AGAP9: variants seen among roughly 807,000 people sequenced by gnomAD.
AGAP9 encodes ArfGAP with GTPase domain, ankyrin repeat and PH domain 9.
In AGAP9, 23 loss-of-function variants were observed where a neutral mutation model predicts 55.6. The ratio of observed to expected loss-of-function variants is 0.41; its 90% confidence interval spans 0.30 to 0.59. The LOEUF (loss-of-function observed/expected upper bound fraction) is 0.59, where lower values mean the gene tolerates loss of function less well. Ranked by LOEUF, AGAP9 falls within the 20% of genes least tolerant of loss-of-function variation. AGAP9 has a pLI of 0.25. For synonymous variants in AGAP9, 120 were observed against 305.0 expected (o/e 0.39, Z 6.32); for missense variants, 309 against 808.1 (o/e 0.38, Z 7.49).
chr10:47,506,349 G>T (rs1840476442), intron 6 of AGAP9, among the ~76,000 whole-genome samples: 1 of 137,222 alleles, frequency 7.3e-6, no homozygotes, highest in Non-Finnish European at 1.6e-5. Context: ...CTCTTTTTTT[G>T]AGACAGAGTC....
At chr10:47,519,467 CAAAAAAA>C (rs1190844472) in intron 3 of AGAP9, among the ~76,000 whole-genome samples, 1 of 84,752 alleles carries the variant, frequency 1.2e-5, no homozygotes, top group Non-Finnish European at 2.3e-5. Flanking sequence ...GACTCCATTT[CAAAAAAA>C]AAAAAAAAAA....
chr10:47,511,294 T>C lies in AGAP9; in HGVS notation c.397-1023A>G, dbSNP rs1261064174. 2.1e-5 allele frequency among the ~76,000 whole-genome samples: 3 copies of C among 142,700 alleles called. 1 individual carries two copies. The highest frequency in any genetic ancestry group is 7.7e-5 in the African/African-American group (3 of 38,958). 93.6% of individuals were successfully genotyped at this position (142,700 alleles called of 152,430 possible). A position where few individuals can be genotyped will look rare whatever the true frequency, so the allele number is the denominator to read the frequency against. On this transcript the variant is annotated intron_variant, in intron 4 of 7. Transcript: ENST00000452145. ...AATGTAGTGTATTAAATAATCCTGC[T>C]ACAAGAGCACTTTATTGCAGTGAAT...
chr10:47,516,803 C>T lies in AGAP9; in HGVS notation c.396+1020G>A, dbSNP rs1432529246. ...GCTACAATACTTGGGGGAAAAACAG[C>T]TATTAGAAAATAGGCAAATGAATAT... is the stretch of plus-strand genomic sequence containing the variant. On this transcript the variant is annotated intron_variant, in intron 4 of 7. Coordinates refer to ENST00000452145, the MANE Select transcript of AGAP9 (RefSeq NM_001190810.1). Among the ~76,000 whole-genome samples the T allele has an allele frequency of 1.5e-5, 2 of 130,314 alleles. 1 individual carries two copies. The highest frequency in any genetic ancestry group is 5.8e-4 in the East Asian group (2 of 3,420). 85.5% of individuals were successfully genotyped at this position (130,314 alleles called of 152,430 possible).
chr10:47,502,043 A>C lies in AGAP9; in HGVS notation c.*109T>G. The C allele has an allele frequency of 2.0e-6, 3 of 1,518,792 alleles. No individual in the cohort carries two copies. The highest frequency in any genetic ancestry group is 2.7e-6 in the Non-Finnish European group (3 of 1,113,628). The allele number at this position is 1,518,792 out of a possible 1,614,324, so 94.1% of individuals were successfully genotyped here. A position where few individuals can be genotyped will look rare whatever the true frequency, so the allele number is the denominator to read the frequency against. On this transcript the variant is annotated 3_prime_UTR_variant, in exon 8 of 8. Coordinates refer to ENST00000452145, the MANE Select transcript of AGAP9 (RefSeq NM_001190810.1). ...CTTATTTTTCCCATTTTGTTTTTGC[A>C]CCAAGGAGACTGCAGTCAAATAAAA...
intron 5 of AGAP9, 107 bp downstream of exon 5, chr10:47,510,064 T>C (rs1474001468): frequency 1.3e-6 from 2 of 1,491,874 alleles, no homozygotes; most frequent in African/African-American, 1.6e-5. Context: ...AATATCAATA[T>C]ATGGTTGACT....
chr10:47,520,979 C>T (rs1840816742), intron 2 of AGAP9, among the ~76,000 whole-genome samples: 1 of 112,566 alleles, frequency 8.9e-6, no homozygotes, highest in African/African-American at 4.1e-5. Context: ...AAGATGTATT[C>T]TAGAGTTTTT....
At chr10:47,519,525 T>G (rs1439017201) in intron 3 of AGAP9, among the ~76,000 whole-genome samples, 7 of 107,336 alleles carry the variant, frequency 6.5e-5, no homozygotes, top group Non-Finnish European at 1.3e-4. Flanking sequence ...TCTTTCACCG[T>G]GTGGAACCAC....
rs1367257508 is a variant in AGAP9, at chr10:47,502,366, C to T, written c.1763G>A (p.Gly588Asp). The change falls in exon 8 of 8, where the codon GGC (glycine) becomes GAC (aspartate). Residue 588 changes from glycine (G) to aspartate (D), a missense_variant. Gly to Asp is a moderately conservative substitution (Grantham distance 94). Coordinates refer to ENST00000452145, the MANE Select transcript of AGAP9 (RefSeq NM_001190810.1). ...AGTGGTGGCCCGCAGCAGCTGCTGG[C>T]CCAGGGACAGCTCAGTGCAGGGTAG... ...APLPCTELSLGQQLLRATTDE... is the reference protein window; with the variant it reads ...APLPCTELSLDQQLLRATTDE... 1 of 1,608,748 alleles carries T rather than the reference C, an allele frequency of 6.2e-7. No individual in the cohort carries two copies. Among genetic ancestry groups the T allele is most frequent in the Non-Finnish European group, 8.5e-7 (1 of 1,179,370 alleles).
chr10:47,508,955 A>C lies in AGAP9; in HGVS notation c.497+1216T>G, dbSNP rs1337088131. On this transcript the variant is annotated intron_variant, in intron 5 of 7. Transcript: ENST00000452145. ...CAGTGCACTACTGATTCATGATAAA[A>C]CATTTTTCAATATATCTTCTTGAAG... Among the ~76,000 whole-genome samples the C allele has an allele frequency of 8.5e-5, 11 of 130,080 alleles. 2 individuals are homozygous for C. Among genetic ancestry groups the C allele is most frequent in the African/African-American group, 1.4e-4 (4 of 28,380 alleles). The allele number at this position is 130,080 out of a possible 152,430, so 85.3% of individuals were successfully genotyped here.
rs1254724440 is a variant in AGAP9 at position 47,509,983 on chromosome 10, C to T, written c.497+188G>A. Among the ~76,000 whole-genome samples, 48 of 142,486 alleles carry T rather than the reference C, an allele frequency of 3.4e-4. 6 individuals are homozygous for T. In the South Asian group the frequency reaches 0.01, roughly 30 times the overall value. 93.5% of individuals were successfully genotyped at this position (142,486 alleles called of 152,430 possible). On this transcript the variant is annotated intron_variant, in intron 5 of 7. Transcript: ENST00000452145. ...CACTGTTTCTGGGTTTGCTTCTTTGCTAACTGATTTTTCCTTCCACCACGA... is the reference window on the plus strand; with the variant it reads ...CACTGTTTCTGGGTTTGCTTCTTTGTTAACTGATTTTTCCTTCCACCACGA...
In AGAP9 at chr10:47,503,216, C is replaced by T. The variant is rs1163706125; in HGVS notation, c.913G>A (p.Val305Ile). Reference sequence around the variant, plus strand: ...AGCACGCCATTGGAACACAGGGTGACGTATTTCTTTTTCCATGTCTTCAGC... The same window carrying T: ...AGCACGCCATTGGAACACAGGGTGATGTATTTCTTTTTCCATGTCTTCAGC... Reference protein sequence around the residue: ...KWLKTWKKKYVTLCSNGVLTY... With the variant: ...KWLKTWKKKYITLCSNGVLTY... The change falls in exon 8 of 8, where the codon GTC becomes ATC. Residue 305 changes from valine to isoleucine, a missense_variant. Coordinates refer to ENST00000452145, the MANE Select transcript of AGAP9 (RefSeq NM_001190810.1). 2.5e-5 allele frequency: 39 copies of T among 1,590,574 alleles called. 4 individuals are homozygous for T. The highest frequency in any genetic ancestry group is 3.3e-5 in the South Asian group (3 of 90,488).
intron 2 of AGAP9, among the ~76,000 whole-genome samples, chr10:47,521,795 T>C (rs1397935458): frequency 4.6e-5 from 7 of 151,478 alleles, no homozygotes; most frequent in African/African-American, 1.7e-4. Context: ...CCTTTTTTTT[T>C]TGTGAGACGG....
chr10:47,510,662 C>T (rs1234087066), intron 4 of AGAP9, among the ~76,000 whole-genome samples: 1 of 119,140 alleles, frequency 8.4e-6, no homozygotes, highest in Non-Finnish European at 1.7e-5. Flanking sequence ...AACCCCGTCT[C>T]TACTAAAAAT....
chr10:47,517,278 T>C (rs1342597707), intron 4 of AGAP9, among the ~76,000 whole-genome samples: 1 of 111,548 alleles, frequency 9.0e-6, no homozygotes, highest in Non-Finnish European at 1.8e-5. Context: ...CTTTTTTTTT[T>C]TTTTTTTTTT....
intron 5 of AGAP9, 45 bp from the exon 6 acceptor site, chr10:47,507,628 T>A: frequency 6.5e-7 from 1 of 1,528,700 alleles, no homozygotes; most frequent in Non-Finnish European, 8.8e-7. Flanking sequence ...TTATCATTTG[T>A]TAGGCCTGCA....
chr10:47,510,150 C>T lies in AGAP9; in HGVS notation c.497+21G>A, dbSNP rs1407424046. On this transcript the variant is annotated intron_variant, in intron 5 of 7. Coordinates refer to ENST00000452145, the MANE Select transcript of AGAP9 (RefSeq NM_001190810.1). Reference sequence around the variant, plus strand: ...TTTCCGAATAAAGGAATCTGTCCCTCGGCAGCATAGTTGTACTCACGATAT... The same window carrying T: ...TTTCCGAATAAAGGAATCTGTCCCTTGGCAGCATAGTTGTACTCACGATAT... 73 of 1,181,096 alleles carry T rather than the reference C, an allele frequency of 6.2e-5. 1 individual carries two copies. In the South Asian group the frequency reaches 7.4e-4, roughly 12 times the overall value. 73.2% of individuals were successfully genotyped at this position (1,181,096 alleles called of 1,614,324 possible).
chr10:47,516,659 C>T (rs1346530891), intron 4 of AGAP9, among the ~76,000 whole-genome samples: 1 of 136,020 alleles, frequency 7.4e-6, no homozygotes, highest in Non-Finnish European at 1.5e-5. Flanking sequence ...CTAGGGAAAC[C>T]CACGCTATAT....
chr10:47,514,254 A>T (rs1260759266), intron 4 of AGAP9, among the ~76,000 whole-genome samples: 3 of 149,220 alleles, frequency 2.0e-5, no homozygotes, highest in Admixed American at 1.3e-4. Flanking sequence ...CATACATATT[A>T]TATATATATA....
chr10:47,507,678 G>A lies in AGAP9; in HGVS notation c.498-95C>T, dbSNP rs1840512361. The A allele has an allele frequency of 2.0e-5, 28 of 1,409,958 alleles. 3 individuals are homozygous for A. The highest frequency in any genetic ancestry group is 7.8e-5 in the African/African-American group (5 of 64,048). 87.3% of individuals were successfully genotyped at this position (1,409,958 alleles called of 1,614,324 possible). Reference sequence around the variant, plus strand: ...GGGGGGCAGAGGAAACTCTCCTAGCGGCCCTGAAATTCAAATCTTCTAGTT... The same window carrying A: ...GGGGGGCAGAGGAAACTCTCCTAGCAGCCCTGAAATTCAAATCTTCTAGTT... On this transcript the variant is annotated intron_variant, in intron 5 of 7. Coordinates refer to ENST00000452145, the MANE Select transcript of AGAP9 (RefSeq NM_001190810.1).
Sources: gnomAD v4.1 joint callset for allele counts (sites outside exome capture counted in the v4.1 genomes callset) on GRCh38, gnomAD v4.1.1 for gene constraint, MANE v1.5 for transcripts, NCBI Gene and HGNC (gene_info 2026-07-23, HGNC 2026-07-21) for gene names.